The following ITSN2 variants were observed in gnomAD, a reference collection of about 807,000 sequenced individuals.
ITSN2 encodes intersectin 2.
ITSN2 carries 156 observed loss-of-function variants against 243.7 expected under a neutral mutation model. The ratio of observed to expected loss-of-function variants is 0.64; its 90% CI spans 0.56 to 0.73. The LOEUF (loss-of-function observed/expected upper bound fraction) is 0.73. Ranked by LOEUF, ITSN2 falls within the 30% of genes least tolerant of loss-of-function variation. The pLI is 0.00. For missense variants in ITSN2, 1,801 were observed against 1,996.1 expected (o/e 0.90, Z 1.86); for synonymous variants, 703 against 699.9 (o/e 1.00, Z -0.07).
chr2:24,230,761 T>G (rs1671508664), intron 29 of ITSN2, among the ~76,000 whole-genome samples: 1 of 151,746 alleles, frequency 6.6e-6, no homozygotes, highest in African/African-American at 2.4e-5. Flanking sequence ...AGAGTGAAAC[T>G]CCATCTCAAA....
At chr2:24,210,686 T>C (rs1669393048) in intron 34 of ITSN2, 94 bp downstream of exon 34, 1 of 1,109,518 alleles carries the variant, frequency 9.0e-7, no homozygotes, top group Admixed American at 2.3e-5. Flanking sequence ...GCAGGCTGCC[T>C]AAGGTGCAGA....
At chr2:24,342,952 G>A (rs994733259) in intron 1 of ITSN2, among the ~76,000 whole-genome samples, 3 of 151,946 alleles carry the variant, frequency 2.0e-5, no homozygotes, top group East Asian at 1.9e-4. Context: ...TCAGCCAGGC[G>A]AGGTGGCATG....
intron 37 of ITSN2, among the ~76,000 whole-genome samples, chr2:24,207,287 C>A (rs773297811): frequency 6.6e-6 from 1 of 151,978 alleles, no homozygotes; most frequent in East Asian, 1.9e-4. Flanking sequence ...GGGAAAGTGG[C>A]GAGGGAGGAG....
intron 8 of ITSN2, among the ~76,000 whole-genome samples, chr2:24,307,782 A>G (rs1320425626): frequency 6.6e-6 from 1 of 152,096 alleles, no homozygotes; most frequent in Non-Finnish European, 1.5e-5. Flanking sequence ...TTCATTCTCC[A>G]AATAGGCCAT....
At chr2:24,271,700 T>C (rs2151460982) in intron 19 of ITSN2, 66 bp downstream of exon 19, 1 of 1,431,340 alleles carries the variant, frequency 7.0e-7, no homozygotes, top group East Asian at 2.5e-5. Flanking sequence ...CCTTTTTTTG[T>C]CTCTTATCAG....
intron 5 of ITSN2, among the ~76,000 whole-genome samples, chr2:24,310,916 A>C (rs1683186491): frequency 6.6e-6 from 1 of 152,210 alleles, no homozygotes; most frequent in Admixed American, 6.5e-5. Flanking sequence ...CCTAGCAAAG[A>C]GTTAAATATT....
At chr2:24,303,386 A>C (rs1194567512) in intron 9 of ITSN2, among the ~76,000 whole-genome samples, 2 of 152,232 alleles carry the variant, frequency 1.3e-5, no homozygotes, top group African/African-American at 2.4e-5. Flanking sequence ...GTTTTTACCG[A>C]AAGTTTAAAT....
intron 17 of ITSN2, among the ~76,000 whole-genome samples, chr2:24,284,267 C>T (rs1252620643): frequency 1.3e-5 from 2 of 152,134 alleles, no homozygotes; most frequent in African/African-American, 4.8e-5. Flanking sequence ...GGTAACTAGA[C>T]CTGACTAAAG....
intron 2 of ITSN2, among the ~76,000 whole-genome samples, chr2:24,319,799 T>C (rs897967740): frequency 6.6e-6 from 1 of 152,176 alleles, no homozygotes; most frequent in Non-Finnish European, 1.5e-5. Flanking sequence ...TTTCCAAGCA[T>C]AACCCATGCA....
At chr2:24,318,958 T>C (rs1032387346) in intron 2 of ITSN2, among the ~76,000 whole-genome samples, 1 of 152,142 alleles carries the variant, frequency 6.6e-6, no homozygotes, top group Non-Finnish European at 1.5e-5. Context: ...ACAAACCCTA[T>C]TGTGAACTGT....
intron 2 of ITSN2, among the ~76,000 whole-genome samples, chr2:24,320,093 G>A (rs150617276): frequency 5.6e-4 from 86 of 152,286 alleles, no homozygotes; most frequent in African/African-American, 1.9e-3. Flanking sequence ...AAAACTTAAG[G>A]AGAGGCCGGA....
At chr2:24,361,103 C>G (rs542420578), upstream of ITSN2, among the ~76,000 whole-genome samples, 194 of 152,288 alleles carry the variant, frequency 1.3e-3, 1 homozygote, top group Non-Finnish European at 3.4e-4. Flanking sequence ...ATTCACCATT[C>G]CTCGCCCTCC....
chr2:24,299,702 G>A (rs1206065791), intron 12 of ITSN2, among the ~76,000 whole-genome samples: 2 of 151,896 alleles, frequency 1.3e-5, no homozygotes, highest in Non-Finnish European at 2.9e-5. Context: ...TCTCTACCAC[G>A]TACCAGTTCT....
intron 1 of ITSN2, among the ~76,000 whole-genome samples, chr2:24,333,572 T>C (rs553699031): frequency 1.2e-3 from 179 of 152,372 alleles, no homozygotes; most frequent in African/African-American, 4.1e-3. Flanking sequence ...GTTTTTAGAA[T>C]GTTCATATGA....
In ITSN2 at chr2:24,261,651, A is replaced by AT; in HGVS notation, c.2446dup (p.Met816AsnfsTer5). On this transcript the variant is annotated frameshift_variant, in exon 21 of 40. Coordinates refer to ENST00000355123, the MANE Select transcript of ITSN2 (RefSeq NM_006277.3). LOFTEE classifies it high-confidence loss of function. Reference sequence around the variant, plus strand: ...AGCTTTTTCATTTTCACTTGATGGCATTTTTTCTACATAATTGCATGGAAA... The same window carrying AT: ...AGCTTTTTCATTTTCACTTGATGGCATTTTTTTCTACATAATTGCATGGAAA... 4 of 1,613,358 alleles carry AT rather than the reference A, an allele frequency of 2.5e-6. No individual in the cohort carries two copies. Among genetic ancestry groups the AT allele is most frequent in the East Asian group, 2.2e-5 (1 of 44,790 alleles).
chr2:24,217,016 G>A (rs978343983), intron 31 of ITSN2, among the ~76,000 whole-genome samples: 8 of 151,998 alleles, frequency 5.3e-5, no homozygotes, highest in East Asian at 3.9e-4. Flanking sequence ...CCCGGGAGGC[G>A]GAGCTGGCAG....
intron 2 of ITSN2, among the ~76,000 whole-genome samples, chr2:24,326,170 T>C (rs902578418): frequency 2.6e-5 from 4 of 152,208 alleles, no homozygotes; most frequent in African/African-American, 9.6e-5. Context: ...AGTCTACATA[T>C]GCAATTAATT....
At chr2:24,339,305 TACAAAAAAC>T (rs60323042) in intron 1 of ITSN2, among the ~76,000 whole-genome samples, 84,867 of 151,172 alleles carry the variant, frequency 0.56, 24,681 homozygotes, top group East Asian at 0.73. Flanking sequence ...ACTCCATCTC[TACAAAAAAC>T]ACAAAAATTA....
intron 9 of ITSN2, among the ~76,000 whole-genome samples, chr2:24,302,400 G>A (rs932347351): frequency 7.2e-5 from 11 of 151,952 alleles, no homozygotes; most frequent in African/African-American, 1.7e-4. Flanking sequence ...GGGTTTCACC[G>A]TGTTAGCCAG....
Sources: gnomAD v4.1 joint callset for allele counts (sites outside exome capture counted in the v4.1 genomes callset) on GRCh38, gnomAD v4.1.1 for gene constraint, MANE v1.5 for transcripts, NCBI Gene and HGNC (gene_info 2026-07-23, HGNC 2026-07-21) for gene names.